The following SMYD3 variants were observed in gnomAD, a reference collection of about 807,000 sequenced individuals.
SMYD3 encodes SET and MYND domain containing 3.
In SMYD3, 36 loss-of-function variants were observed where a neutral mutation model predicts 57.7. That is an observed-to-expected ratio of 0.62 (90% confidence interval 0.48 to 0.82). The LOEUF (loss-of-function observed/expected upper bound fraction) is 0.82, where lower values mean the gene tolerates loss of function less well. SMYD3 is among the 40% of genes least tolerant of loss of function. SMYD3 has a pLI of 0.00. For missense variants in SMYD3, 515 were observed against 538.8 expected (o/e 0.96, Z 0.44); for synonymous variants, 211 against 195.0 (o/e 1.08, Z -0.68).
intron 5 of SMYD3, among the ~76,000 whole-genome samples, chr1:246,229,830 G>A (rs1572245063): frequency 6.6e-6 from 1 of 152,190 alleles, no homozygotes; most frequent in South Asian, 2.1e-4. Flanking sequence ...GCATTTTGGA[G>A]GGACAAACAT....
chr1:246,208,299 C>T (rs1420005515), intron 5 of SMYD3, among the ~76,000 whole-genome samples: 1 of 152,008 alleles, frequency 6.6e-6, no homozygotes, highest in African/African-American at 2.4e-5. Flanking sequence ...ATTCACTTCA[C>T]GTGGTGAAGT....
intron 5 of SMYD3, among the ~76,000 whole-genome samples, chr1:246,003,267 G>A (rs1378153223): frequency 6.6e-6 from 1 of 152,212 alleles, no homozygotes; most frequent in African/African-American, 2.4e-5. Context: ...CCCACAGAAG[G>A]TTGTCATCTG....
chr1:245,752,760 C>G (rs921897318), intron 11 of SMYD3, among the ~76,000 whole-genome samples: 4 of 152,218 alleles, frequency 2.6e-5, no homozygotes, highest in African/African-American at 9.6e-5. Flanking sequence ...CCTGGCCTTC[C>G]TCCAGCTTCA....
chr1:246,279,989 T>C (rs1235683819), intron 5 of SMYD3, among the ~76,000 whole-genome samples: 2 of 152,182 alleles, frequency 1.3e-5, no homozygotes, highest in Non-Finnish European at 2.9e-5. Context: ...TGCAGAATTC[T>C]GAGTTTAGCA....
intron 5 of SMYD3, among the ~76,000 whole-genome samples, chr1:246,255,941 G>C (rs1483988791): frequency 7.0e-6 from 1 of 143,298 alleles, no homozygotes; most frequent in East Asian, 2.0e-4. Flanking sequence ...TAGATAGATA[G>C]ATAGATAGAT....
intron 10 of SMYD3, among the ~76,000 whole-genome samples, chr1:245,823,997 C>T (rs1377879565): frequency 6.6e-6 from 1 of 152,174 alleles, no homozygotes; most frequent in African/African-American, 2.4e-5. Context: ...GCTCTGGACT[C>T]TTAAGGACCC....
At position 246,203,877 on chromosome 1, in the gene SMYD3, C is replaced by T. The variant is rs961167148; in HGVS notation, c.531+123324G>A. On this transcript the variant is annotated intron_variant, in intron 5 of 11. Transcript: ENST00000490107. The surrounding 1 kb of genome is among the most constrained non-coding windows in gnomAD (Gnocchi z 4.6). ...ACCCACTCCTAGTCCAGATCTTCCC[C>T]CTGTCCTATCTAGCTGCTTCCCATC... 1.3e-5 allele frequency among the ~76,000 whole-genome samples: 2 copies of T among 152,170 alleles called. No individual in the cohort carries two copies. The highest frequency in any genetic ancestry group is 4.8e-5 in the African/African-American group (2 of 41,436).
chr1:245,868,691 T>C (rs936205201), intron 8 of SMYD3, among the ~76,000 whole-genome samples: 1 of 152,214 alleles, frequency 6.6e-6, no homozygotes, highest in Non-Finnish European at 1.5e-5. Flanking sequence ...GCATTTTATA[T>C]TGGAGCTAGA....
chr1:246,344,094 G>A (rs2065673032), intron 2 of SMYD3, among the ~76,000 whole-genome samples: 1 of 151,984 alleles, frequency 6.6e-6, no homozygotes, highest in South Asian at 2.1e-4. Context: ...TATTGTCCAG[G>A]CTGGTCTCTA....
chr1:246,096,068 C>A (rs1489120180), intron 5 of SMYD3, among the ~76,000 whole-genome samples: 2 of 152,164 alleles, frequency 1.3e-5, no homozygotes, highest in Non-Finnish European at 1.5e-5. Context: ...CCATGAACAG[C>A]ACACGTGCAA....
intron 5 of SMYD3, among the ~76,000 whole-genome samples, chr1:246,096,082 T>C (rs1242670295): frequency 6.6e-6 from 1 of 152,216 alleles, no homozygotes; most frequent in Non-Finnish European, 1.5e-5. Flanking sequence ...CGTGCAATTC[T>C]GTGAGAACAG....
intron 5 of SMYD3, among the ~76,000 whole-genome samples, chr1:246,305,315 T>C (rs1023536352): frequency 7.9e-5 from 12 of 152,214 alleles, no homozygotes; most frequent in African/African-American, 2.9e-4. Context: ...AACAATTTAA[T>C]AGAATTATAG....
chr1:246,317,935 T>G (rs1052196685), intron 5 of SMYD3, among the ~76,000 whole-genome samples: 1 of 152,182 alleles, frequency 6.6e-6, no homozygotes, highest in Non-Finnish European at 1.5e-5. Context: ...ATAATTAATA[T>G]AGTTATTCAT....
intron 1 of SMYD3, among the ~76,000 whole-genome samples, chr1:246,491,462 C>T (rs1456547442): frequency 1.3e-5 from 2 of 151,648 alleles, no homozygotes; most frequent in Admixed American, 6.6e-5. Flanking sequence ...ATCGCTTGAA[C>T]CCAGGAGGTG....
intron 1 of SMYD3, among the ~76,000 whole-genome samples, chr1:246,393,993 T>C (rs921156273): frequency 1.3e-5 from 2 of 152,250 alleles, no homozygotes. Flanking sequence ...GAATTCCATC[T>C]TTCTTAGCTT....
Position 246,507,272 on chromosome 1 carries a change from C to T in SMYD3, c.-55G>A. The stretch of plus-strand genomic sequence containing the variant: ...TACCCGCGTCCAGCAGCGGGCGTCT[C>T]ACGGGCTGCCGGGACCCGCGCGCCT... On this transcript the variant is annotated 5_prime_UTR_variant, in exon 1 of 12. Coordinates refer to ENST00000490107, the MANE Select transcript of SMYD3 (RefSeq NM_001167740.2). 4 of 1,439,296 alleles carry T rather than the reference C, an allele frequency of 2.8e-6. No homozygotes were observed. Among genetic ancestry groups the T allele is most frequent in the Non-Finnish European group, 3.7e-6 (4 of 1,090,296 alleles). The allele number at this position is 1,439,296 out of a possible 1,614,324, so 89.2% of individuals were successfully genotyped here. A position where few individuals can be genotyped will look rare whatever the true frequency, so the allele number is the denominator to read the frequency against.
At chr1:246,447,982 C>G (rs1189618368) in intron 1 of SMYD3, among the ~76,000 whole-genome samples, 1 of 152,234 alleles carries the variant, frequency 6.6e-6, no homozygotes, top group Non-Finnish European at 1.5e-5. Flanking sequence ...TTCTTTTGCT[C>G]ATCCATTTGA....
At chr1:246,021,281 A>G (rs1176391986) in intron 5 of SMYD3, among the ~76,000 whole-genome samples, 1 of 152,224 alleles carries the variant, frequency 6.6e-6, no homozygotes, top group Non-Finnish European at 1.5e-5. Flanking sequence ...GCCTTCTGAC[A>G]TGGGTACAGA....
At chr1:246,041,290 G>A (rs914506594) in intron 5 of SMYD3, among the ~76,000 whole-genome samples, 2 of 152,094 alleles carry the variant, frequency 1.3e-5, no homozygotes, top group Non-Finnish European at 2.9e-5. Context: ...ACACACGCTG[G>A]ACCCACCATC....
Sources: allele counts gnomAD v4.1 joint callset (sites outside exome capture counted in the v4.1 genomes callset), GRCh38; gene constraint gnomAD v4.1.1; non-coding constraint Gnocchi (gnomAD v3.1); transcripts MANE v1.5; gene names NCBI Gene and HGNC (gene_info 2026-07-23, HGNC 2026-07-21).